SAMD5: variants seen among roughly 807,000 people sequenced by gnomAD.
SAMD5 encodes sterile alpha motif domain containing 5.
A neutral mutation model predicts 11.3 loss-of-function variants in SAMD5; 13 were observed. That is an observed-to-expected ratio of 1.15 (90% CI 0.75 to 1.83). SAMD5 has a LOEUF of 1.83. SAMD5 is among the 40% of genes most tolerant of loss of function. The pLI, the probability that SAMD5 is intolerant of heterozygous loss-of-function variation, is 0.00. For synonymous variants in SAMD5, 129 were observed against 111.3 expected, an observed-to-expected ratio of 1.16 and a Z score of -1.00; for missense variants, 255 against 239.1, an observed-to-expected ratio of 1.07 and a Z score of -0.44.
intron 1 of SAMD5, among the ~76,000 whole-genome samples, chr6:147,596,163 C>A (rs1053978604): frequency 2.0e-5 from 3 of 152,046 alleles, no homozygotes; most frequent in African/African-American, 4.8e-5. Flanking sequence ...TTAACGATTT[C>A]TTTTGTCCTC....
At chr6:147,781,625 C>T in the SAMD5 span, among the ~76,000 whole-genome samples, 3 of 152,150 alleles carry the variant, frequency 2.0e-5, no homozygotes, top group African/African-American at 7.2e-5. Flanking sequence ...TGCTCAGAGC[C>T]TCAGTTTCTT....
chr6:147,569,755 T>C lies in SAMD5; in HGVS notation c.*5299T>C. 4.1e-6 allele frequency: 4 copies of C among 985,384 alleles called. No individual in the cohort carries two copies. The highest frequency in any genetic ancestry group is 4.8e-6 in the Non-Finnish European group (4 of 829,858). The allele number at this position is 985,384 out of a possible 1,614,324, so 61.0% of individuals were successfully genotyped here. A position where few individuals can be genotyped will look rare whatever the true frequency, so the allele number is the denominator to read the frequency against. ...TTCTGCCCCTACAGAAGTGTGTGCATGGGCCTTGGAAAATCTACATGTGTA... is the reference window on the plus strand; with the variant it reads ...TTCTGCCCCTACAGAAGTGTGTGCACGGGCCTTGGAAAATCTACATGTGTA... On this transcript the variant is annotated 3_prime_UTR_variant, in exon 2 of 2. Transcript: ENST00000367474.
At chr6:147,574,272 A>G (rs1005599425), downstream of SAMD5, among the ~76,000 whole-genome samples, 1 of 152,206 alleles carries the variant, frequency 6.6e-6, no homozygotes, top group Non-Finnish European at 1.5e-5. Context: ...ATTTAATCTT[A>G]AGATTATTCT....
intron 1 of SAMD5, among the ~76,000 whole-genome samples, chr6:147,561,362 ATTT>A (rs1788947510): frequency 6.6e-6 from 1 of 151,970 alleles, no homozygotes; most frequent in Admixed American, 6.6e-5. Context: ...TAATTTTTGT[ATTT>A]TTAGTAGAGA....
At chr6:147,738,975 C>T (rs948845396), downstream of SAMD5, among the ~76,000 whole-genome samples, 5 of 152,214 alleles carry the variant, frequency 3.3e-5, no homozygotes, top group Non-Finnish European at 5.9e-5. Context: ...AAGAGAATTA[C>T]AAAGTCAGCC....
intron 1 of SAMD5, among the ~76,000 whole-genome samples, chr6:147,582,170 C>G (rs1010085861): frequency 7.9e-5 from 12 of 151,956 alleles, no homozygotes; most frequent in African/African-American, 2.7e-4. Context: ...ACCAGGCTGA[C>G]CAACATGGTG....
At chr6:147,509,593 C>T (rs543568770) in intron 1 of SAMD5, among the ~76,000 whole-genome samples, 3 of 152,178 alleles carry the variant, frequency 2.0e-5, no homozygotes, top group African/African-American at 7.2e-5. Context: ...AAGACAAGCC[C>T]CCGCATCCAG....
chr6:147,634,717 A>T (rs1300607575), intron 1 of SAMD5, among the ~76,000 whole-genome samples: 1 of 152,208 alleles, frequency 6.6e-6, no homozygotes, highest in East Asian at 1.9e-4. Flanking sequence ...CATCCCATAG[A>T]ATGCAGCACC....
At chr6:147,526,212 TGA>T (rs754863908) in intron 1 of SAMD5, among the ~76,000 whole-genome samples, 1 of 152,228 alleles carries the variant, frequency 6.6e-6, no homozygotes, top group Non-Finnish European at 1.5e-5. Context: ...TTAGGTTTTG[TGA>T]GTTTCATATT....
intron 1 of SAMD5, chr6:147,730,143 G>C (rs1250196912): frequency 9.4e-6 from 4 of 423,922 alleles, no homozygotes; most frequent in Admixed American, 3.0e-5. Flanking sequence ...GAGTGAAAGA[G>C]AGGGAGAGAA....
the SAMD5 span, among the ~76,000 whole-genome samples, chr6:147,764,464 T>C: frequency 6.6e-6 from 1 of 152,258 alleles, no homozygotes; most frequent in South Asian, 2.1e-4. Context: ...ACAGATGTTA[T>C]TTACTGACAT....
At chr6:147,522,169 C>T (rs1014815424) in intron 1 of SAMD5, among the ~76,000 whole-genome samples, 1 of 152,132 alleles carries the variant, frequency 6.6e-6, no homozygotes, top group Non-Finnish European at 1.5e-5. Flanking sequence ...ACAGGAATTA[C>T]AGCTCTTATT....
chr6:147,844,019 A>G, the SAMD5 span, among the ~76,000 whole-genome samples: 1 of 152,164 alleles, frequency 6.6e-6, no homozygotes, highest in African/African-American at 2.4e-5. Flanking sequence ...AAAAGCTTCT[A>G]TACAGGAAAG....
the SAMD5 span, among the ~76,000 whole-genome samples, chr6:147,947,704 C>A: frequency 9.9e-5 from 15 of 152,272 alleles, no homozygotes; most frequent in African/African-American, 2.9e-4. Context: ...TTTGGAGTTA[C>A]AACACACTTT....
chr6:147,902,629 G>T, the SAMD5 span, among the ~76,000 whole-genome samples: 1 of 152,142 alleles, frequency 6.6e-6, no homozygotes, highest in African/African-American at 2.4e-5. Flanking sequence ...GCTAATAAAA[G>T]ATTTAATTAT....
At position 147,565,986 on chromosome 6, in the gene SAMD5, C is replaced by T. The variant is rs116820432; in HGVS notation, c.*1530C>T. 6.4e-4 allele frequency: 634 copies of T among 985,180 alleles called. 1 individual carries two copies. The African/African-American group carries it at 0.011, about 16-fold the overall frequency. 61.0% of individuals were successfully genotyped at this position (985,180 alleles called of 1,614,324 possible). On this transcript the variant is annotated 3_prime_UTR_variant, in exon 2 of 2. Coordinates refer to ENST00000367474, the MANE Select transcript of SAMD5 (RefSeq NM_001030060.3). Reference sequence around the variant, plus strand: ...CCGTCATGGTAAGAAGAATAAGAAACTCTCAAAGGAAAAGAAACTTACATT... The same window carrying T: ...CCGTCATGGTAAGAAGAATAAGAAATTCTCAAAGGAAAAGAAACTTACATT...
chr6:147,840,948 C>T, the SAMD5 span, among the ~76,000 whole-genome samples: 526 of 152,200 alleles, frequency 3.5e-3, 2 homozygotes, highest in African/African-American at 0.012. Flanking sequence ...TTTGTTTATA[C>T]GTATATATCA....
intron 1 of SAMD5, among the ~76,000 whole-genome samples, chr6:147,705,007 G>A (rs1583146953): frequency 6.6e-6 from 1 of 152,342 alleles, no homozygotes; most frequent in East Asian, 1.9e-4. Flanking sequence ...GGAACTGTGA[G>A]CAGTGATTTA....
chr6:147,587,400 C>T (rs1030128219), intron 1 of SAMD5, among the ~76,000 whole-genome samples: 1 of 151,926 alleles, frequency 6.6e-6, no homozygotes, highest in Non-Finnish European at 1.5e-5. Context: ...ACTGTGCCGG[C>T]TAATTTTTGT....
Sources: gnomAD v4.1 joint callset for allele counts (sites outside exome capture counted in the v4.1 genomes callset) on GRCh38, gnomAD v4.1.1 for gene constraint, MANE v1.5 for transcripts, NCBI Gene and HGNC (gene_info 2026-07-23, HGNC 2026-07-21) for gene names.